The following MACROD2 variants were observed in gnomAD, a reference collection of about 807,000 sequenced individuals.
The protein encoded by MACROD2 is ADP-ribose glycohydrolase MACROD2.
In MACROD2, 36 loss-of-function variants were observed where a neutral mutation model predicts 70.4. The observed-to-expected ratio is 0.51, with a 90% CI of 0.39 to 0.68. The LOEUF (loss-of-function observed/expected upper bound fraction) is 0.68, where lower values mean the gene tolerates loss of function less well. MACROD2 is among the 30% of genes least tolerant of loss of function. The probability of loss-of-function intolerance (pLI) is 0.00; values close to 1 mark genes in which losing one functional copy is unlikely to be tolerated. For synonymous variants in MACROD2, 172 were observed against 178.8 expected (o/e 0.96, Z 0.30); for missense variants, 496 against 538.4 (o/e 0.92, Z 0.78).
chr20:14,583,049 C>A (rs1217574938), intron 4 of MACROD2, among the ~76,000 whole-genome samples: 3 of 136,256 alleles, frequency 2.2e-5, no homozygotes, highest in African/African-American at 7.8e-5. Flanking sequence ...GAGCGTATTT[C>A]CAGGCTCAGG....
At chr20:15,948,300 G>A (rs903804978) in intron 12 of MACROD2, among the ~76,000 whole-genome samples, 2 of 143,936 alleles carry the variant, frequency 1.4e-5, no homozygotes, top group Admixed American at 1.5e-4. Context: ...GACAATGATC[G>A]GCATATAAAC....
chr20:15,361,176 A>G (rs2078347332), intron 6 of MACROD2, among the ~76,000 whole-genome samples: 1 of 152,120 alleles, frequency 6.6e-6, no homozygotes, highest in South Asian at 2.1e-4. Context: ...TTCTACTAAA[A>G]ATTTCATAGT....
intron 6 of MACROD2, among the ~76,000 whole-genome samples, chr20:15,336,757 C>T (rs1357400470): frequency 6.6e-6 from 1 of 151,660 alleles, no homozygotes; most frequent in Non-Finnish European, 1.5e-5. Context: ...CTCTCCTGCC[C>T]TTAAGCATTC....
At chr20:16,021,787 A>G (rs142136667) in intron 15 of MACROD2, among the ~76,000 whole-genome samples, 4 of 152,302 alleles carry the variant, frequency 2.6e-5, no homozygotes, top group African/African-American at 9.6e-5. Flanking sequence ...ATCAGAATTC[A>G]CATCTCAAAT....
intron 4 of MACROD2, among the ~76,000 whole-genome samples, chr20:14,502,822 C>T (rs1439935487): frequency 6.6e-6 from 1 of 152,174 alleles, no homozygotes; most frequent in Non-Finnish European, 1.5e-5. Context: ...TAATTAACCC[C>T]TCAAAAATCT....
intron 4 of MACROD2, among the ~76,000 whole-genome samples, chr20:14,648,491 T>A (rs1010016101): frequency 2.0e-5 from 3 of 152,116 alleles, no homozygotes; most frequent in African/African-American, 7.2e-5. Flanking sequence ...GGATTTAAAC[T>A]AGGGAGGATC....
intron 10 of MACROD2, among the ~76,000 whole-genome samples, chr20:15,906,061 C>T (rs1216664488): frequency 6.6e-6 from 1 of 152,090 alleles, no homozygotes; most frequent in Non-Finnish European, 1.5e-5. Flanking sequence ...TTGCTGCTGG[C>T]AGAAGGAAAG....
At chr20:15,429,433 A>G (rs1278637926) in intron 6 of MACROD2, among the ~76,000 whole-genome samples, 3 of 152,152 alleles carry the variant, frequency 2.0e-5, no homozygotes, top group Non-Finnish European at 4.4e-5. Context: ...CTTCCACAGG[A>G]GCAGAAAAAA....
chr20:14,208,936 A>AT (rs1023644683), intron 3 of MACROD2, among the ~76,000 whole-genome samples: 2 of 152,194 alleles, frequency 1.3e-5, no homozygotes, highest in Admixed American at 6.5e-5. Context: ...GATATGGCTC[A>AT]TTTTTTAAAA....
chr20:15,226,495 T>A (rs1389940022), intron 5 of MACROD2, among the ~76,000 whole-genome samples: 2 of 152,226 alleles, frequency 1.3e-5, no homozygotes, highest in Non-Finnish European at 2.9e-5. Flanking sequence ...CCATGTATAT[T>A]ACATATATAT....
At chr20:15,481,750 C>T (rs889637439) in intron 7 of MACROD2, among the ~76,000 whole-genome samples, 2 of 151,220 alleles carry the variant, frequency 1.3e-5, no homozygotes, top group Non-Finnish European at 2.9e-5. Context: ...TGGGTATAAA[C>T]AAGCTACACA....
chr20:15,696,480 A>G (rs1341244809), intron 8 of MACROD2, among the ~76,000 whole-genome samples: 1 of 152,136 alleles, frequency 6.6e-6, no homozygotes, highest in Non-Finnish European at 1.5e-5. Context: ...GTCTATGTTC[A>G]TCAAGGATAT....
chr20:15,222,769 G>C (rs2076872925), intron 5 of MACROD2, among the ~76,000 whole-genome samples: 1 of 152,214 alleles, frequency 6.6e-6, no homozygotes, highest in South Asian at 2.1e-4. Flanking sequence ...AATGATGAGA[G>C]CAACCTATCT....
intron 17 of MACROD2, among the ~76,000 whole-genome samples, chr20:16,045,774 A>C (rs947098277): frequency 6.6e-6 from 1 of 152,132 alleles, no homozygotes; most frequent in Non-Finnish European, 1.5e-5. Context: ...CTCACCCTGC[A>C]TGAAGAGATG....
intron 3 of MACROD2, among the ~76,000 whole-genome samples, chr20:14,134,941 G>A (rs1008178060): frequency 2.6e-5 from 4 of 151,440 alleles, no homozygotes; most frequent in South Asian, 4.2e-4. Flanking sequence ...TTTAAGAAAC[G>A]CAAAATTCTT....
chr20:14,736,740 CAG>C (rs2071669418), intron 5 of MACROD2, among the ~76,000 whole-genome samples: 1 of 152,088 alleles, frequency 6.6e-6, no homozygotes, highest in Non-Finnish European at 1.5e-5. Context: ...AACCAAGACA[CAG>C]AAAGTTTATG....
chr20:14,722,161 T>C (rs1337257507), intron 5 of MACROD2, among the ~76,000 whole-genome samples: 1 of 152,232 alleles, frequency 6.6e-6, no homozygotes, highest in African/African-American at 2.4e-5. Context: ...CAGTGAGAGA[T>C]AAGGATTGTT....
intron 3 of MACROD2, among the ~76,000 whole-genome samples, chr20:14,133,774 A>G (rs1445285822): frequency 6.6e-6 from 1 of 152,194 alleles, no homozygotes; most frequent in Non-Finnish European, 1.5e-5. Context: ...TATCCCTTCT[A>G]TGAAAGCTTG....
At chr20:15,013,282 T>TTTCTTTCAAA (rs1173747186) in intron 5 of MACROD2, among the ~76,000 whole-genome samples, 1 of 152,142 alleles carries the variant, frequency 6.6e-6, no homozygotes, top group Non-Finnish European at 1.5e-5. Flanking sequence ...CTCTTCTTTC[T>TTTCTTTCAAA]TTCTACTTGA....
Sources: gnomAD v4.1 joint callset for allele counts (sites outside exome capture counted in the v4.1 genomes callset) on GRCh38, gnomAD v4.1.1 for gene constraint, MANE v1.5 for transcripts, NCBI Gene and HGNC (gene_info 2026-07-23, HGNC 2026-07-21) for gene names.